The following DNM3 variants were observed in gnomAD, a reference collection of about 807,000 sequenced individuals.
DNM3 encodes the protein dynamin-3.
A neutral mutation model predicts 101.6 loss-of-function variants in DNM3; 47 were observed. The observed-to-expected ratio is 0.46, with a 90% confidence interval of 0.37 to 0.59. DNM3 has a LOEUF of 0.59. Ranked by LOEUF, DNM3 falls within the 20% of genes least tolerant of loss-of-function variation. DNM3 has a pLI of 0.00. For synonymous variants in DNM3, 385 were observed against 387.9 expected (o/e 0.99, Z 0.09); for missense variants, 849 against 1,085.7 (o/e 0.78, Z 3.06).
intron 2 of DNM3, among the ~76,000 whole-genome samples, chr1:171,951,774 G>A (rs545177348): frequency 1.3e-5 from 2 of 152,266 alleles, no homozygotes; most frequent in East Asian, 3.9e-4. Context: ...GGTTTATTAT[G>A]AGCCCATATT....
At chr1:172,111,231 C>G (rs2055454367) in intron 13 of DNM3, among the ~76,000 whole-genome samples, 1 of 152,120 alleles carries the variant, frequency 6.6e-6, no homozygotes, top group African/African-American at 2.4e-5. Flanking sequence ...CATCCTTGAC[C>G]TCCCAGACAT....
At chr1:172,237,184 C>A (rs2061575658) in intron 14 of DNM3, among the ~76,000 whole-genome samples, 1 of 152,154 alleles carries the variant, frequency 6.6e-6, no homozygotes, top group African/African-American at 2.4e-5. Flanking sequence ...TAAAATAGTA[C>A]TTCTTCCCCC....
chr1:172,223,381 T>G (rs953882098), intron 14 of DNM3, among the ~76,000 whole-genome samples: 2 of 151,782 alleles, frequency 1.3e-5, no homozygotes, highest in African/African-American at 4.8e-5. Context: ...CCATTGTATA[T>G]CCATTCTGTC....
At chr1:171,874,642 A>T (rs933800022) in intron 1 of DNM3, among the ~76,000 whole-genome samples, 5 of 152,158 alleles carry the variant, frequency 3.3e-5, no homozygotes, top group African/African-American at 1.2e-4. Flanking sequence ...TCTTGTACTT[A>T]TTCAGCCACC....
At chr1:172,293,015 T>C (rs1268003444) in intron 15 of DNM3, among the ~76,000 whole-genome samples, 2 of 152,208 alleles carry the variant, frequency 1.3e-5, no homozygotes, top group African/African-American at 4.8e-5. Flanking sequence ...ATGTAATACA[T>C]GTGGCCGACT....
In DNM3 at chr1:171,922,027, T is replaced by A. The variant is rs140060147; in HGVS notation, c.235+206T>A. On this transcript the variant is annotated intron_variant, in intron 2 of 20. Coordinates refer to ENST00000627582, the MANE Select transcript of DNM3 (RefSeq NM_015569.5). ...AAGGGGATATTTTCATAGATTTTTT[T>A]AAAATACCTACTTAAAAAAATGTTT... Among the ~76,000 whole-genome samples, 695 of 152,314 alleles carry A rather than the reference T, an allele frequency of 4.6e-3. 14 individuals carry two copies. Among genetic ancestry groups the A allele is most frequent in the Admixed American group, 0.033 (508 of 15,292 alleles).
At chr1:172,079,927 G>C (rs927540753) in intron 11 of DNM3, among the ~76,000 whole-genome samples, 5 of 152,176 alleles carry the variant, frequency 3.3e-5, no homozygotes, top group Non-Finnish European at 5.9e-5. Flanking sequence ...TCCAGACCCT[G>C]TTTGCCTGGG....
At chr1:172,335,681 A>G (rs923651995) in intron 17 of DNM3, among the ~76,000 whole-genome samples, 2 of 152,198 alleles carry the variant, frequency 1.3e-5, no homozygotes, top group Non-Finnish European at 2.9e-5. Flanking sequence ...TAATCAAATT[A>G]ACACAGAAAC....
chr1:172,349,769 G>T (rs538775145), intron 17 of DNM3, among the ~76,000 whole-genome samples: 1 of 152,052 alleles, frequency 6.6e-6, no homozygotes, highest in South Asian at 2.1e-4. Flanking sequence ...ATGTTAATTG[G>T]ATCAGTTTGC....
intron 15 of DNM3, among the ~76,000 whole-genome samples, chr1:172,279,016 C>T (rs1329072466): frequency 6.6e-6 from 1 of 152,100 alleles, no homozygotes; most frequent in Non-Finnish European, 1.5e-5. Context: ...ATAATCTTGC[C>T]AGACTGTATG....
intron 2 of DNM3, among the ~76,000 whole-genome samples, chr1:171,951,450 C>G (rs547640794): frequency 2.6e-5 from 4 of 152,258 alleles, no homozygotes; most frequent in African/African-American, 9.6e-5. Context: ...TTGATTTTCT[C>G]TTCTTTAACT....
At chr1:172,407,695 C>G in intron 20 of DNM3, 77 bp from the exon 21 acceptor site, 1 of 1,489,652 alleles carries the variant, frequency 6.7e-7, no homozygotes, top group East Asian at 2.3e-5. Context: ...TGTAATGGCT[C>G]TTTCTCAGTG....
At chr1:172,382,189 CA>C (rs928802144) in intron 18 of DNM3, among the ~76,000 whole-genome samples, 97 of 152,114 alleles carry the variant, frequency 6.4e-4, no homozygotes, top group African/African-American at 2.2e-3. Flanking sequence ...GTAACAGCAG[CA>C]CAAAGAAATA....
At chr1:171,899,761 G>A (rs943556494) in intron 1 of DNM3, among the ~76,000 whole-genome samples, 3 of 152,170 alleles carry the variant, frequency 2.0e-5, no homozygotes, top group Admixed American at 6.5e-5. Context: ...CTTTTTACGG[G>A]TTGACAGTCT....
chr1:171,875,026 T>C (rs1263420381), intron 1 of DNM3, among the ~76,000 whole-genome samples: 2 of 152,150 alleles, frequency 1.3e-5, no homozygotes, highest in African/African-American at 4.8e-5. Flanking sequence ...TGCATAGTAT[T>C]CCATGGTGTG....
intron 17 of DNM3, among the ~76,000 whole-genome samples, chr1:172,358,900 G>GA (rs5778731): frequency 0.94 from 142,769 of 151,360 alleles, 67,513 homozygotes; most frequent in East Asian, 1. Context: ...ATGGTGCAAG[G>GA]AAAAAAAAGC....
At chr1:172,255,211 A>G (rs2148692573) in intron 15 of DNM3, among the ~76,000 whole-genome samples, 1 of 152,272 alleles carries the variant, frequency 6.6e-6, no homozygotes, top group Middle Eastern at 3.4e-3. Context: ...TGAAGACAGT[A>G]TTATTTGAGA....
intron 17 of DNM3, chr1:172,338,819 A>T (rs370957624): frequency 4.7e-4 from 226 of 485,858 alleles, no homozygotes; most frequent in African/African-American, 4.0e-3. Flanking sequence ...GATGAACCTA[A>T]GTGTATAATC....
intron 14 of DNM3, among the ~76,000 whole-genome samples, chr1:172,226,726 A>G (rs1174812211): frequency 6.6e-6 from 1 of 152,172 alleles, no homozygotes; most frequent in African/African-American, 2.4e-5. Flanking sequence ...AATATGTGTC[A>G]TAATTTTTTA....
Sources: allele counts gnomAD v4.1 joint callset (sites outside exome capture counted in the v4.1 genomes callset), GRCh38; gene constraint gnomAD v4.1.1; transcripts MANE v1.5; gene names NCBI Gene and HGNC (gene_info 2026-07-23, HGNC 2026-07-21).